KHDRBS2: variants seen among roughly 807,000 people sequenced by gnomAD.
KHDRBS2 encodes KH domain-containing, RNA-binding, signal transduction-associated protein 2.
A neutral mutation model predicts 44.3 loss-of-function variants in KHDRBS2; 26 were observed. The ratio of observed to expected loss-of-function variants is 0.59; its 90% CI spans 0.43 to 0.81. The LOEUF is 0.81. Among genes scored for constraint, KHDRBS2 ranks in the 40% least tolerant of loss-of-function variants. The pLI, the probability that KHDRBS2 is intolerant of heterozygous loss-of-function variation, is 0.00. For synonymous variants in KHDRBS2, 194 were observed against 151.1 expected (o/e 1.28, Z -2.08); for missense variants, 476 against 433.1 (o/e 1.10, Z -0.88).
rs187598125 is a variant in KHDRBS2, at chr6:62,116,658, T to A, written c.219+60527A>T. Among the ~76,000 whole-genome samples the A allele has an allele frequency of 8.2e-3, 1,251 of 152,264 alleles. 13 individuals carry two copies. The highest frequency in any genetic ancestry group is 0.029 in the African/African-American group (1,195 of 41,554). The stretch of plus-strand genomic sequence containing the variant: ...TTATTTTGAAGTATACAATAAATTA[T>A]TTTTAACTATCATCTCCCTACTGTG... On this transcript the variant is annotated intron_variant, in intron 2 of 8. Coordinates refer to ENST00000281156, the MANE Select transcript of KHDRBS2 (RefSeq NM_152688.4).
intron 2 of KHDRBS2, among the ~76,000 whole-genome samples, chr6:62,170,733 G>A (rs1361880203): frequency 2.0e-5 from 3 of 151,970 alleles, no homozygotes; most frequent in African/African-American, 7.3e-5. Flanking sequence ...CCACAAACCA[G>A]GATCACGTTA....
chr6:61,774,305 C>A lies in KHDRBS2; in HGVS notation c.811-41541G>T, dbSNP rs545177954. On this transcript the variant is annotated intron_variant, in intron 6 of 8. Transcript: ENST00000281156. ...GGAATGTTCTTCCATCTGTTTGTATCCTCTTTTATTTCATTGAGCAGTGTA... is the reference window on the plus strand; with the variant it reads ...GGAATGTTCTTCCATCTGTTTGTATACTCTTTTATTTCATTGAGCAGTGTA... 1.6e-4 allele frequency among the ~76,000 whole-genome samples: 24 copies of A among 152,254 alleles called. No individual in the cohort carries two copies. The South Asian group carries it at 3.1e-3, about 20-fold the overall frequency.
intron 3 of KHDRBS2, among the ~76,000 whole-genome samples, chr6:62,033,086 T>G (rs1388767253): frequency 6.6e-6 from 1 of 151,630 alleles, no homozygotes; most frequent in Non-Finnish European, 1.5e-5. Context: ...AAAGAATACG[T>G]CAGTCTTCTA....
chr6:61,793,022 A>G (rs1784839421), intron 6 of KHDRBS2, among the ~76,000 whole-genome samples: 1 of 151,954 alleles, frequency 6.6e-6, no homozygotes, highest in South Asian at 2.1e-4. Flanking sequence ...GATATTACAA[A>G]GCTTCGATGA....
intron 4 of KHDRBS2, among the ~76,000 whole-genome samples, chr6:61,952,491 CA>C (rs1764968104): frequency 6.6e-6 from 1 of 152,068 alleles, no homozygotes; most frequent in South Asian, 2.1e-4. Context: ...TAATAAGTAC[CA>C]TACAGATGTG....
chr6:61,921,324 A>G (rs1201600852), intron 4 of KHDRBS2, among the ~76,000 whole-genome samples: 1 of 151,876 alleles, frequency 6.6e-6, no homozygotes, highest in Non-Finnish European at 1.5e-5. Flanking sequence ...TATTGAGTAA[A>G]TTTCTCTTGC....
the KHDRBS2 span, among the ~76,000 whole-genome samples, chr6:61,543,991 G>T: frequency 3.3e-5 from 5 of 151,890 alleles, no homozygotes; most frequent in Admixed American, 6.6e-5. Flanking sequence ...TGGATTGTTT[G>T]TAGATACAAA....
At chr6:61,981,478 AT>A (rs1773838122) in intron 3 of KHDRBS2, among the ~76,000 whole-genome samples, 1 of 149,490 alleles carries the variant, frequency 6.7e-6, no homozygotes, top group Non-Finnish European at 1.5e-5. Flanking sequence ...TTTTTTTTTA[AT>A]TTATTTGTTT....
At chr6:61,550,794 G>C in the KHDRBS2 span, among the ~76,000 whole-genome samples, 1 of 63,982 alleles carries the variant, frequency 1.6e-5, no homozygotes, top group Non-Finnish European at 2.9e-5. Context: ...CTGTTTTTGA[G>C]ATGGAGTTTT....
intron 2 of KHDRBS2, among the ~76,000 whole-genome samples, chr6:62,091,774 A>T (rs1315096375): frequency 6.6e-6 from 1 of 152,210 alleles, no homozygotes; most frequent in Non-Finnish European, 1.5e-5. Flanking sequence ...CTGCTCCATG[A>T]GTCCTTGGAC....
chr6:61,638,768 A>G, the KHDRBS2 span, among the ~76,000 whole-genome samples: 32 of 152,154 alleles, frequency 2.1e-4, 1 homozygote, highest in Admixed American at 1.9e-3. Flanking sequence ...AAGCAGAAAA[A>G]TATTATAAAC....
chr6:61,694,294 C>T lies in KHDRBS2; in HGVS notation c.952+2901G>A, dbSNP rs148440782. Among the ~76,000 whole-genome samples the T allele has an allele frequency of 2.5e-3, 386 of 152,236 alleles. 1 individual carries two copies. The highest frequency in any genetic ancestry group is 0.014 in the Middle Eastern group (4 of 294). ...ATACTTGTTAAATGAGTAATGTTCT[C>T]TAAACGTGTATAAAATTATTACTTA... is the stretch of plus-strand genomic sequence containing the variant. On this transcript the variant is annotated intron_variant, in intron 8 of 8. Transcript: ENST00000281156.
chr6:62,114,065 C>T (rs1264831537), intron 2 of KHDRBS2, among the ~76,000 whole-genome samples: 1 of 151,964 alleles, frequency 6.6e-6, no homozygotes, highest in African/African-American at 2.4e-5. Flanking sequence ...CTTATAAAAC[C>T]ATCAGATCTC....
the KHDRBS2 span, among the ~76,000 whole-genome samples, chr6:61,615,275 G>C: frequency 1.7e-5 from 2 of 116,820 alleles, no homozygotes; most frequent in East Asian, 2.3e-4. Flanking sequence ...AAAAAAACAA[G>C]AAGAAGAAAT....
At chr6:62,155,099 G>A (rs1196073130) in intron 2 of KHDRBS2, among the ~76,000 whole-genome samples, 1 of 152,188 alleles carries the variant, frequency 6.6e-6, no homozygotes, top group Admixed American at 6.5e-5. Context: ...CTGGGAGTCT[G>A]GGAGATGGTA....
At chr6:61,597,323 G>T in the KHDRBS2 span, among the ~76,000 whole-genome samples, 1 of 152,086 alleles carries the variant, frequency 6.6e-6, no homozygotes, top group Non-Finnish European at 1.5e-5. Context: ...CTTTAATTTA[G>T]ATTCTGTGTC....
chr6:61,757,895 C>A (rs1421492349), intron 6 of KHDRBS2, among the ~76,000 whole-genome samples: 1 of 152,124 alleles, frequency 6.6e-6, no homozygotes, highest in African/African-American at 2.4e-5. Context: ...ACATTATTCC[C>A]AGTCCTGTGC....
intron 4 of KHDRBS2, among the ~76,000 whole-genome samples, chr6:61,938,890 C>G (rs1050705550): frequency 6.6e-6 from 1 of 152,046 alleles, no homozygotes; most frequent in African/African-American, 2.4e-5. Flanking sequence ...ACCAAGTGTC[C>G]TCCTCAAGGG....
chr6:62,130,522 T>C (rs1445113569), intron 2 of KHDRBS2, among the ~76,000 whole-genome samples: 3 of 152,130 alleles, frequency 2.0e-5, no homozygotes, highest in African/African-American at 7.2e-5. Context: ...CAATTGTTAA[T>C]GAGCAATGGT....
Sources: gnomAD v4.1 joint callset for allele counts (sites outside exome capture counted in the v4.1 genomes callset) on GRCh38, gnomAD v4.1.1 for gene constraint, MANE v1.5 for transcripts, NCBI Gene and HGNC (gene_info 2026-07-23, HGNC 2026-07-21) for gene names.